Variants in ARHGAP44 observed in about 807,000 individuals in gnomAD.
The protein encoded by ARHGAP44 is rho GTPase-activating protein 44.
In ARHGAP44, 43 loss-of-function variants were observed where a neutral mutation model predicts 106.8. The ratio of observed to expected loss-of-function variants is 0.40; its 90% confidence interval spans 0.32 to 0.52. The LOEUF is 0.52. ARHGAP44 is among the 20% of genes least tolerant of loss of function. The pLI is 0.48. For synonymous variants in ARHGAP44, 439 were observed against 410.3 expected (o/e 1.07, Z -0.85); for missense variants, 866 against 1,050.5 (o/e 0.82, Z 2.43).
chr17:12,802,946 TATATATATATATA>T (rs1567621170), intron 1 of ARHGAP44, among the ~76,000 whole-genome samples: 210 of 20,290 alleles, frequency 0.01, 14 homozygotes, highest in African/African-American at 0.029. Context: ...TATATATATA[TATATATATATATA>T]TATATATATA....
intron 3 of ARHGAP44, among the ~76,000 whole-genome samples, chr17:12,902,355 A>T (rs759830929): frequency 4.6e-5 from 7 of 152,184 alleles, no homozygotes; most frequent in Non-Finnish European, 8.8e-5. Flanking sequence ...CTCAGCTCAG[A>T]TGTCACCTTT....
intron 19 of ARHGAP44, among the ~76,000 whole-genome samples, chr17:12,981,285 G>A (rs2039822291): frequency 6.6e-6 from 1 of 152,166 alleles, no homozygotes; most frequent in African/African-American, 2.4e-5. Flanking sequence ...AAACGACATC[G>A]TGAAGGTTGA....
chr17:12,962,533 G>A (rs922480359), intron 16 of ARHGAP44, among the ~76,000 whole-genome samples: 1 of 152,144 alleles, frequency 6.6e-6, no homozygotes, highest in African/African-American at 2.4e-5. Context: ...GATTATCAAG[G>A]TGGGCTCTAC....
At chr17:12,812,893 T>C (rs1344118234) in intron 1 of ARHGAP44, among the ~76,000 whole-genome samples, 1 of 152,188 alleles carries the variant, frequency 6.6e-6, no homozygotes, top group Non-Finnish European at 1.5e-5. Context: ...CCTTAACAAC[T>C]TAAAAAATCA....
At chr17:12,826,531 A>G (rs2034923902) in intron 1 of ARHGAP44, among the ~76,000 whole-genome samples, 1 of 152,126 alleles carries the variant, frequency 6.6e-6, no homozygotes, top group Non-Finnish European at 1.5e-5. Flanking sequence ...AGATAATTGC[A>G]TTTTTATTTC....
intron 1 of ARHGAP44, among the ~76,000 whole-genome samples, chr17:12,813,350 A>G (rs1213172429): frequency 2.6e-5 from 4 of 152,014 alleles, no homozygotes; most frequent in African/African-American, 9.7e-5. Flanking sequence ...AAGTAAAAAT[A>G]AGGAGACAGC....
intron 1 of ARHGAP44, among the ~76,000 whole-genome samples, chr17:12,821,066 G>A (rs1404375395): frequency 1.3e-5 from 2 of 152,180 alleles, no homozygotes; most frequent in Non-Finnish European, 2.9e-5. Flanking sequence ...ATTTGGCACT[G>A]ATGACAATCT....
At chr17:12,926,405 AT>A (rs1567690929) in intron 6 of ARHGAP44, among the ~76,000 whole-genome samples, 4 of 145,086 alleles carry the variant, frequency 2.8e-5, no homozygotes, top group African/African-American at 1.0e-4. Flanking sequence ...TATATATTGT[AT>A]ATATATAATA....
chr17:12,873,524 A>G (rs1018552758), intron 1 of ARHGAP44, among the ~76,000 whole-genome samples: 1 of 152,250 alleles, frequency 6.6e-6, no homozygotes. Context: ...GAATAAAACT[A>G]ATCTTAAAAT....
chr17:12,948,751 C>CACACACACACACACACACACACACACACA lies in ARHGAP44; in HGVS notation c.862-389_862-388insACACACACACACACACACACACACACACA, dbSNP rs200024961. Among the ~76,000 whole-genome samples, 129 of 147,732 alleles carry CACACACACACACACACACACACACACACA rather than the reference C, an allele frequency of 8.7e-4. 11 individuals are homozygous for CACACACACACACACACACACACACACACA. Among genetic ancestry groups the CACACACACACACACACACACACACACACA allele is most frequent in the East Asian group, 2.4e-3 (12 of 4,916 alleles). On this transcript the variant is annotated intron_variant, in intron 10 of 20. Transcript: ENST00000379672. ...ACACACACACACACACACACACACACCCCCTGTAGACCTCCTCACATTCAA... is the reference window on the plus strand; with the variant it reads ...ACACACACACACACACACACACACACACACACACACACACACACACACACACACACCCCTGTAGACCTCCTCACATTCAA...
chr17:12,960,437 G>A (rs1316273388), intron 16 of ARHGAP44, among the ~76,000 whole-genome samples: 10 of 151,880 alleles, frequency 6.6e-5, no homozygotes, highest in South Asian at 2.1e-4. Context: ...GTGGTGGCAC[G>A]CACTTGTAAT....
At chr17:12,937,676 C>T (rs773195037) in intron 7 of ARHGAP44, among the ~76,000 whole-genome samples, 1 of 152,084 alleles carries the variant, frequency 6.6e-6, no homozygotes, top group Non-Finnish European at 1.5e-5. Context: ...ACTTCAAAGC[C>T]CCCTGCGTGC....
chr17:12,973,433 G>A, intron 17 of ARHGAP44, 114 bp downstream of exon 17: 3 of 1,096,536 alleles, frequency 2.7e-6, no homozygotes, highest in East Asian at 2.6e-5. Context: ...TTGCTTGGCC[G>A]ACTTATTTGA....
At chr17:12,989,940 T>C (rs1328588413) in intron 20 of ARHGAP44, 92 bp from the exon 21 acceptor site, 11 of 1,530,542 alleles carry the variant, frequency 7.2e-6, no homozygotes, top group Non-Finnish European at 9.8e-6. Flanking sequence ...GCAGCACCCC[T>C]GCCTCCTAAG....
intron 7 of ARHGAP44, among the ~76,000 whole-genome samples, chr17:12,933,325 T>C (rs2038453699): frequency 6.6e-6 from 1 of 152,178 alleles, no homozygotes. Flanking sequence ...TGATTCCTCT[T>C]TTTTGAGGAC....
At chr17:12,793,713 A>C (rs111521994) in intron 1 of ARHGAP44, among the ~76,000 whole-genome samples, 11,237 of 147,870 alleles carry the variant, frequency 0.076, 449 homozygotes, top group South Asian at 0.15. Context: ...ATCTCACACA[A>C]AAAAAAAAAA....
intron 3 of ARHGAP44, among the ~76,000 whole-genome samples, chr17:12,904,407 A>G (rs1456513689): frequency 1.3e-5 from 2 of 152,066 alleles, no homozygotes; most frequent in South Asian, 2.1e-4. Flanking sequence ...TGCCCGGCCA[A>G]TTTCTTGATT....
intron 10 of ARHGAP44, among the ~76,000 whole-genome samples, chr17:12,948,752 C>CACACACCCA (rs1221163562): frequency 7.1e-6 from 1 of 140,794 alleles, no homozygotes; most frequent in Non-Finnish European, 1.5e-5. Flanking sequence ...ACACACACAC[C>CACACACCCA]CCCTGTAGAC....
chr17:12,976,199 C>T (rs1483920724), intron 18 of ARHGAP44, among the ~76,000 whole-genome samples: 1 of 152,176 alleles, frequency 6.6e-6, no homozygotes, highest in Admixed American at 6.5e-5. Flanking sequence ...CATGCATACA[C>T]ATGGACACTC....
Sources: gnomAD v4.1 joint callset for allele counts (sites outside exome capture counted in the v4.1 genomes callset) on GRCh38, gnomAD v4.1.1 for gene constraint, MANE v1.5 for transcripts, NCBI Gene and HGNC (gene_info 2026-07-23, HGNC 2026-07-21) for gene names.